The following ADAM17 variants were observed in gnomAD, a reference collection of about 807,000 sequenced individuals.
ADAM17 encodes the protein disintegrin and metalloproteinase domain-containing protein 17.
ADAM17 carries 39 observed loss-of-function variants against 96.7 expected under a neutral mutation model. The observed-to-expected ratio is 0.40, with a 90% CI of 0.31 to 0.53. The LOEUF (loss-of-function observed/expected upper bound fraction) is 0.53, where lower values mean the gene tolerates loss of function less well. ADAM17 is among the 20% of genes least tolerant of loss of function. The probability of loss-of-function intolerance (pLI) is 0.44; values close to 1 mark genes in which losing one functional copy is unlikely to be tolerated. For missense variants in ADAM17, 777 were observed against 1,013.2 expected (o/e 0.77, Z 3.17); for synonymous variants, 344 against 359.2 (o/e 0.96, Z 0.48).
At chr2:9,538,404 G>C (rs1425890256) in intron 2 of ADAM17, among the ~76,000 whole-genome samples, 1 of 152,174 alleles carries the variant, frequency 6.6e-6, no homozygotes, top group Admixed American at 6.5e-5. Flanking sequence ...TAGTTTGCTT[G>C]TGGTTTTTTA....
intron 1 of ADAM17, among the ~76,000 whole-genome samples, chr2:9,550,903 C>CAAAAAAAAAAAAA (rs33972062): frequency 1.0e-5 from 1 of 97,854 alleles, no homozygotes. Context: ...ACTAAAAATA[C>CAAAAAAAAAAAAA]AAAAAAAAAA....
At chr2:9,495,655 G>A (rs533530580) in intron 14 of ADAM17, among the ~76,000 whole-genome samples, 93 of 151,394 alleles carry the variant, frequency 6.1e-4, no homozygotes, top group Non-Finnish European at 9.6e-4. Context: ...CGGAGGCTGC[G>A]GTGACCTGAG....
At chr2:9,553,124 T>C (rs919635151) in intron 1 of ADAM17, among the ~76,000 whole-genome samples, 6 of 152,180 alleles carry the variant, frequency 3.9e-5, no homozygotes, top group African/African-American at 1.4e-4. Context: ...ATGTTCATCA[T>C]TGACAACTGA....
At position 9,555,793 on chromosome 2, in the gene ADAM17, T is replaced by A. The variant is rs990950155; in HGVS notation, c.-188A>T. The A allele has an allele frequency of 1.3e-5, 6 of 462,142 alleles. No individual in the cohort carries two copies. Among genetic ancestry groups the A allele is most frequent in the African/African-American group, 2.0e-5 (1 of 49,634 alleles). 28.6% of individuals were successfully genotyped at this position (462,142 alleles called of 1,614,324 possible). ...GACGCCCCCAGAAGTGCAGGTGGCGTTACCAAAGGCCGGCTCAGCCAGCTT... is the reference window on the plus strand; with the variant it reads ...GACGCCCCCAGAAGTGCAGGTGGCGATACCAAAGGCCGGCTCAGCCAGCTT... On this transcript the variant is annotated 5_prime_UTR_variant, in exon 1 of 19. Transcript: ENST00000310823.
intron 1 of ADAM17, 134 bp from the exon 2 acceptor site, chr2:9,543,419 A>AT (rs1370169066): frequency 1.2e-6 from 1 of 804,720 alleles, no homozygotes; most frequent in Admixed American, 4.3e-5. Flanking sequence ...ACTATAAATC[A>AT]TTTTTTATCA....
chr2:9,555,518 G>A lies in ADAM17; in HGVS notation c.88C>T (p.Gln30Ter), dbSNP rs1189790261. The A allele has an allele frequency of 6.3e-7, 1 of 1,597,214 alleles. No homozygotes were observed. The highest frequency in any genetic ancestry group is 8.5e-7 in the Non-Finnish European group (1 of 1,171,740). Residue 30 changes from glutamine (Q) to a stop codon, truncating the protein, a stop_gained, in exon 1 of 19, where the codon CAG becomes TAG. Coordinates refer to ENST00000310823, the MANE Select transcript of ADAM17 (RefSeq NM_003183.6). LOFTEE classifies it high-confidence loss of function. ...TCCCCTGGGTCTTTACCGAGTCTCT[G>A]GTGGGGGCCGAAGCCCGGGTCATCC... ...PPDDPGFGPH[Q>*]RLEKLDSLLS...
chr2:9,490,898 G>A (rs1358297843), intron 18 of ADAM17, among the ~76,000 whole-genome samples: 1 of 152,156 alleles, frequency 6.6e-6, no homozygotes, highest in East Asian at 1.9e-4. Flanking sequence ...GGACAGCACA[G>A]CTCTTTAAAT....
In ADAM17 at chr2:9,489,340, C is replaced by T. The variant is rs1353862595; in HGVS notation, c.*837G>A. On this transcript the variant is annotated 3_prime_UTR_variant, in exon 19 of 19. Transcript: ENST00000310823. ...GAGTGTAGTGGCGCAACCTCAGCCT[C>T]TCCAAGTGCTGGGATTACAGGCATG... is the stretch of plus-strand genomic sequence containing the variant. 1 of 145,962 alleles carries T rather than the reference C, an allele frequency of 6.9e-6. No homozygotes were observed. The highest frequency in any genetic ancestry group is 1.5e-5 in the Non-Finnish European group (1 of 67,506). The allele number at this position is 145,962 out of a possible 1,614,324, so 9.0% of individuals were successfully genotyped here. A position where few individuals can be genotyped will look rare whatever the true frequency, so the allele number is the denominator to read the frequency against.
intron 10 of ADAM17, among the ~76,000 whole-genome samples, 191 bp from the exon 11 acceptor site, chr2:9,510,322 C>T (rs1289422898): frequency 6.6e-6 from 1 of 152,050 alleles, no homozygotes; most frequent in Non-Finnish European, 1.5e-5. Context: ...AGTTTGAGGC[C>T]AGCCTGGGTA....
intron 14 of ADAM17, among the ~76,000 whole-genome samples, chr2:9,495,139 G>A (rs983829285): frequency 1.3e-5 from 2 of 152,184 alleles, no homozygotes; most frequent in African/African-American, 4.8e-5. Flanking sequence ...TCAGTCTAAA[G>A]TGTGCCCCTC....
rs755704723 is a variant in ADAM17 at position 9,490,370 on chromosome 2, G to C, written c.2282C>G (p.Thr761Ser). 1.9e-6 allele frequency: 3 copies of C among 1,614,182 alleles called. No homozygotes were observed. The Admixed American group carries it at 5.0e-5, about 27-fold the overall frequency. Residue 761 changes from threonine to serine, a missense_variant, in exon 19 of 19, where the codon ACC (threonine) becomes AGC (serine). Around this residue, in one of 3 missense-constraint regions of ADAM17, gnomAD observed 197 missense variants for 219.4 expected, o/e 0.90. Transcript: ENST00000310823. ...APKLDHQRMD[T>S]IQEDPSTDSH... ...GTCTGTGCTGGGGTCTTCCTGGATG[G>C]TGTCCATTCTCTGGTGGTCCAGTTT...
chr2:9,490,390 C>T lies in ADAM17; in HGVS notation c.2262G>A (p.Leu754=). 3.1e-6 allele frequency: 5 copies of T among 1,614,064 alleles called. No homozygotes were observed. Among genetic ancestry groups the T allele is most frequent in the East Asian group, 2.2e-5 (1 of 44,870 alleles). ...GGATGGTGTCCATTCTCTGGTGGTC[C>T]AGTTTTGGAGCTGCTGGCGCCGAAG... ...VIPSAPAAPK[L]DHQRMDTIQE... The change falls in exon 19 of 19, where the codon CTG becomes CTA. Residue 754 remains leucine (L), a synonymous_variant. Coordinates refer to ENST00000310823, the MANE Select transcript of ADAM17 (RefSeq NM_003183.6).
rs1355171683 is a variant in ADAM17 at position 9,518,138 on chromosome 2, G to A, written c.1067C>T (p.Pro356Leu). The A allele has an allele frequency of 6.2e-7, 1 of 1,600,536 alleles. No individual in the cohort carries two copies. The highest frequency in any genetic ancestry group is 2.2e-5 in the East Asian group (1 of 44,750). The part of the protein sequence containing the change: ...GTLGLAYVGS[P>L]RANSHGGVCP... ...AACACCTCCATGGCTGTTTGCTCTG[G>A]GAGAGCCAACATAAGCTAATCCAAG... Residue 356 changes from proline (P) to leucine (L), a missense_variant, in exon 9 of 19, where the codon CCC becomes CTC. By Grantham distance (98) the Pro-to-Leu change is moderately conservative. Coordinates refer to ENST00000310823, the MANE Select transcript of ADAM17 (RefSeq NM_003183.6).
chr2:9,555,690 CG>C lies in ADAM17; in HGVS notation c.-86del. 8.6e-7 allele frequency: 1 copy of C among 1,160,256 alleles called. No individual in the cohort carries two copies. Among genetic ancestry groups the C allele is most frequent in the African/African-American group, 1.6e-5 (1 of 63,982 alleles). The allele number at this position is 1,160,256 out of a possible 1,614,324, so 71.9% of individuals were successfully genotyped here. A position where few individuals can be genotyped will look rare whatever the true frequency, so the allele number is the denominator to read the frequency against. ...GAAAACTGCTCACATCGGGGGAGGACGGGATCCGCCCGGCCTAGCCCCTCAA... is the reference window on the plus strand; with the variant it reads ...GAAAACTGCTCACATCGGGGGAGGACGGATCCGCCCGGCCTAGCCCCTCAA... On this transcript the variant is annotated 5_prime_UTR_variant, in exon 1 of 19. Coordinates refer to ENST00000310823, the MANE Select transcript of ADAM17 (RefSeq NM_003183.6).
chr2:9,534,562 C>A (rs146283701), intron 4 of ADAM17, among the ~76,000 whole-genome samples: 12 of 151,894 alleles, frequency 7.9e-5, no homozygotes, highest in African/African-American at 2.7e-4. Flanking sequence ...ACAAACAAAA[C>A]CCTAATTTAG....
chr2:9,545,415 A>G (rs1665366521), intron 1 of ADAM17, among the ~76,000 whole-genome samples: 1 of 152,086 alleles, frequency 6.6e-6, no homozygotes, highest in Non-Finnish European at 1.5e-5. Context: ...CTAAAAATAC[A>G]AAAAATTAGC....
At chr2:9,540,651 T>C (rs1665171219) in intron 2 of ADAM17, among the ~76,000 whole-genome samples, 2 of 152,186 alleles carry the variant, frequency 1.3e-5, no homozygotes, top group Admixed American at 1.3e-4. Flanking sequence ...TTGCCTAAAA[T>C]AACCACATGA....
rs2124990793 is a variant in ADAM17 at position 9,502,184 on chromosome 2, G to A, written c.1637C>T (p.Ser546Phe). 1 of 1,613,880 alleles carries A rather than the reference G, an allele frequency of 6.2e-7. No homozygotes were observed. The highest frequency in any genetic ancestry group is 8.5e-7 in the Non-Finnish European group (1 of 1,179,888). ...ACAAGAACACGAACCTGTGCAGTAG[G>A]ACACGCCTTTGCAAGTAGCATTAAT... ...EAINATCKGV[S>F]YCTGNSSECP... The change falls in exon 13 of 19, where the codon TCC (serine) becomes TTC (phenylalanine). Residue 546 changes from serine (S) to phenylalanine (F), a missense_variant. Transcript: ENST00000310823.
At position 9,521,213 on chromosome 2, in the gene ADAM17, A is replaced by G; in HGVS notation, c.947T>C (p.Met316Thr). 6.2e-7 allele frequency: 1 copy of G among 1,601,848 alleles called. No homozygotes were observed. The highest frequency in any genetic ancestry group is 1.1e-5 in the South Asian group (1 of 90,836). ...GATTCTAAGACCTACCTCTAGCAAC[A>G]TCTTCACATCCCAAGCATCCTTTTC... ...NEEKDAWDVK[M>T]LLEQFSFDIA... is the part of the protein sequence containing the mutation. The change falls in exon 8 of 19, where the codon ATG becomes ACG. Residue 316 changes from methionine to threonine, a missense_variant. Around this residue, in one of 3 missense-constraint regions of ADAM17, gnomAD observed 446 missense variants for 664.7 expected, o/e 0.67. Coordinates refer to ENST00000310823, the MANE Select transcript of ADAM17 (RefSeq NM_003183.6).
Sources: allele counts gnomAD v4.1 joint callset (sites outside exome capture counted in the v4.1 genomes callset), GRCh38; gene constraint gnomAD v4.1.1; regional missense constraint gnomAD v4.1.1; transcripts MANE v1.5; gene names NCBI Gene and HGNC (gene_info 2026-07-23, HGNC 2026-07-21).